Variants in NBDY observed in about 807,000 individuals in gnomAD.
NBDY encodes the protein P-body dissociating protein.
chrX:56,782,489 A>C (rs2069699053), intron 2 of NBDY, among the ~76,000 whole-genome samples: 1 of 111,903 alleles, frequency 8.9e-6, no homozygotes, highest in Non-Finnish European at 1.9e-5. Context: ...TACTAGGCCT[A>C]GAGAAAGCTT....
rs192586287 is a variant in NBDY, at chrX:56,788,449, G to A, written c.*167-28871G>A. Among the ~76,000 whole-genome samples, 15 of 112,645 alleles carry A rather than the reference G, an allele frequency of 1.3e-4. No homozygotes were observed. In the East Asian group the frequency reaches 4.0e-3, roughly 30 times the overall value. Reference sequence around the variant, plus strand: ...GCCCCCAGACTGAAGCAGGATGAGAGAGGAGCTCCTCACTGGCCCTTGGCC... The same window carrying A: ...GCCCCCAGACTGAAGCAGGATGAGAAAGGAGCTCCTCACTGGCCCTTGGCC... On this transcript the variant is annotated intron_variant, in intron 2 of 2. Transcript: ENST00000374922.
intron 2 of NBDY, among the ~76,000 whole-genome samples, chrX:56,760,639 G>A (rs1295103108): frequency 8.9e-6 from 1 of 111,872 alleles, no homozygotes; most frequent in African/African-American, 3.3e-5. Context: ...AGCCGAGATT[G>A]CACCATTGCA....
At chrX:56,753,826 G>T (rs1015920099) in intron 2 of NBDY, among the ~76,000 whole-genome samples, 4 of 111,130 alleles carry the variant, frequency 3.6e-5, no homozygotes, top group African/African-American at 1.3e-4. Flanking sequence ...ATCAAAGGAG[G>T]TCCTGTATTA....
At chrX:56,755,946 G>A (rs1193738765) in intron 2 of NBDY, among the ~76,000 whole-genome samples, 4 of 104,536 alleles carry the variant, frequency 3.8e-5, no homozygotes, top group African/African-American at 1.4e-4. Context: ...ATACACCATG[G>A]AATACTATGC....
intron 2 of NBDY, among the ~76,000 whole-genome samples, chrX:56,762,435 T>C (rs891899510): frequency 1.8e-5 from 2 of 110,988 alleles, no homozygotes; most frequent in African/African-American, 3.3e-5. Flanking sequence ...TAATGGGGGA[T>C]GTCCCTCTGC....
At chrX:56,787,207 C>G (rs978158433) in intron 2 of NBDY, among the ~76,000 whole-genome samples, 7 of 110,757 alleles carry the variant, frequency 6.3e-5, no homozygotes, top group Non-Finnish European at 1.3e-4. Context: ...CACGCACTCA[C>G]AAGGGAACAT....
At chrX:56,750,873 C>T (rs1217427683) in intron 2 of NBDY, among the ~76,000 whole-genome samples, 1 of 111,694 alleles carries the variant, frequency 9.0e-6, no homozygotes, top group Non-Finnish European at 1.9e-5. Flanking sequence ...TCTAACTGAT[C>T]TCCTGCCTCC....
intron 2 of NBDY, among the ~76,000 whole-genome samples, chrX:56,816,832 T>A (rs1335231110): frequency 9.0e-6 from 1 of 111,336 alleles, no homozygotes; most frequent in Non-Finnish European, 1.9e-5. Context: ...GTAAGAAGAA[T>A]TATGTCTATG....
rs1930993 is a variant in NBDY, at chrX:56,813,658, A to G, written c.*167-3662A>G. Among the ~76,000 whole-genome samples the G allele has an allele frequency of 5.0e-3, 560 of 111,895 alleles. 4 individuals carry two copies. Among genetic ancestry groups the G allele is most frequent in the Middle Eastern group, 9.1e-3 (2 of 219 alleles). ...TAACACTGCCCACAAACTCTCCCATACAGGCTCTGAATCACCACTTGCGAT... is the reference window on the plus strand; with the variant it reads ...TAACACTGCCCACAAACTCTCCCATGCAGGCTCTGAATCACCACTTGCGAT... On this transcript the variant is annotated intron_variant, in intron 2 of 2. Coordinates refer to ENST00000374922, the MANE Select transcript of NBDY (RefSeq NM_001348129.2).
chrX:56,804,522 T>G (rs1423405936), intron 2 of NBDY, among the ~76,000 whole-genome samples: 1 of 112,369 alleles, frequency 8.9e-6, no homozygotes, highest in Non-Finnish European at 1.9e-5. Flanking sequence ...GGCATCTTAG[T>G]CATTCTGCCA....
chrX:56,741,734 G>T, intron 2 of NBDY, among the ~76,000 whole-genome samples: 1 of 111,011 alleles, frequency 9.0e-6, no homozygotes. Context: ...TATATATTTT[G>T]GTTATTAATT....
At chrX:56,790,870 C>A (rs2069758435) in intron 2 of NBDY, among the ~76,000 whole-genome samples, 1 of 112,405 alleles carries the variant, frequency 8.9e-6, no homozygotes, top group Non-Finnish European at 1.9e-5. Flanking sequence ...CTTTCTGCCT[C>A]ACTTCCCAAT....
At chrX:56,791,653 C>G (rs895010579) in intron 2 of NBDY, among the ~76,000 whole-genome samples, 1 of 111,898 alleles carries the variant, frequency 8.9e-6, no homozygotes, top group Non-Finnish European at 1.9e-5. Flanking sequence ...GCTCCTTGTT[C>G]CTCATTATGT....
chrX:56,811,825 G>A (rs186796166), intron 2 of NBDY, among the ~76,000 whole-genome samples: 4 of 112,037 alleles, frequency 3.6e-5, no homozygotes, highest in African/African-American at 1.3e-4. Flanking sequence ...AACTTTTGTG[G>A]CTAGCTTGGT....
chrX:56,767,340 C>A (rs2069671178), intron 2 of NBDY, among the ~76,000 whole-genome samples: 1 of 113,320 alleles, frequency 8.8e-6, no homozygotes, highest in Admixed American at 9.2e-5. Flanking sequence ...GCAGCCCTGG[C>A]AGCCCTCGCT....
intron 2 of NBDY, among the ~76,000 whole-genome samples, chrX:56,754,372 T>C (rs757941509): frequency 1.8e-5 from 2 of 111,971 alleles, no homozygotes; most frequent in African/African-American, 6.5e-5. Context: ...CACTGTCCCA[T>C]AGACCTAACA....
At chrX:56,764,388 C>G (rs920331244) in intron 2 of NBDY, among the ~76,000 whole-genome samples, 8 of 111,828 alleles carry the variant, frequency 7.2e-5, no homozygotes, top group Non-Finnish European at 1.3e-4. Context: ...TCTGGGCTGA[C>G]TGGTCTTGGG....
At chrX:56,737,555 G>A in intron 2 of NBDY, 1 of 821,138 alleles carries the variant, frequency 1.2e-6, no homozygotes, top group South Asian at 2.3e-5. Context: ...GCCTGATGCT[G>A]AAATGGCCTG....
At chrX:56,735,353 G>A (rs1378525570) in intron 2 of NBDY, among the ~76,000 whole-genome samples, 1 of 112,443 alleles carries the variant, frequency 8.9e-6, no homozygotes, top group Non-Finnish European at 1.9e-5. Context: ...ACATAGAATA[G>A]GCATACACTG....
Sources: allele counts gnomAD v4.1 joint callset (sites outside exome capture counted in the v4.1 genomes callset), GRCh38; gene constraint gnomAD v4.1.1; transcripts MANE v1.5; gene names NCBI Gene and HGNC (gene_info 2026-07-23, HGNC 2026-07-21).